The following ELOVL6 variants were observed in gnomAD, a reference collection of about 807,000 sequenced individuals.
The protein encoded by ELOVL6 is very long chain fatty acid elongase 6.
Under a neutral mutation model 31.7 loss-of-function variants are expected in ELOVL6, and 8 were observed. That is an observed-to-expected ratio of 0.25 (90% confidence interval 0.15 to 0.45). The LOEUF is 0.45. ELOVL6 is among the 20% of genes least tolerant of loss of function. The pLI, the probability that ELOVL6 is intolerant of heterozygous loss-of-function variation, is 1.00. For synonymous variants in ELOVL6, 101 were observed against 117.7 expected (o/e 0.86, Z 0.92); for missense variants, 126 against 326.4 (o/e 0.39, Z 4.73).
intron 1 of ELOVL6, among the ~76,000 whole-genome samples, chr4:110,121,706 AAGT>A (rs1247658709): frequency 1.3e-5 from 2 of 152,256 alleles, no homozygotes; most frequent in East Asian, 1.9e-4. Flanking sequence ...CTCAAAAAAA[AAGT>A]AGTAGTTTTT....
intron 2 of ELOVL6, among the ~76,000 whole-genome samples, chr4:110,079,369 AC>A (rs1447904320): frequency 6.6e-6 from 1 of 152,216 alleles, no homozygotes; most frequent in Non-Finnish European, 1.5e-5. Flanking sequence ...ATGGAAAAGA[AC>A]AGAAATTATA....
intron 2 of ELOVL6, among the ~76,000 whole-genome samples, chr4:110,084,305 A>G (rs1219804334): frequency 2.3e-5 from 2 of 86,854 alleles, no homozygotes; most frequent in African/African-American, 1.2e-4. Flanking sequence ...ATGATATATA[A>G]CATATAACAT....
At chr4:110,109,748 T>C (rs1327641552) in intron 1 of ELOVL6, among the ~76,000 whole-genome samples, 1 of 152,216 alleles carries the variant, frequency 6.6e-6, no homozygotes, top group African/African-American at 2.4e-5. Context: ...CACGTCAAGA[T>C]TTCTATACCC....
At chr4:110,152,210 C>T (rs539481243) in intron 1 of ELOVL6, among the ~76,000 whole-genome samples, 1 of 152,220 alleles carries the variant, frequency 6.6e-6, no homozygotes, top group South Asian at 2.1e-4. Context: ...TAAAGACTAT[C>T]AAGAGGGCAT....
chr4:110,093,358 T>C (rs1204085077), intron 2 of ELOVL6, among the ~76,000 whole-genome samples: 3 of 152,192 alleles, frequency 2.0e-5, no homozygotes, highest in Non-Finnish European at 4.4e-5. Flanking sequence ...CTTTTATAAA[T>C]AGAAAGGAAA....
intron 1 of ELOVL6, among the ~76,000 whole-genome samples, chr4:110,185,036 A>G (rs1759398046): frequency 6.6e-6 from 1 of 152,188 alleles, no homozygotes; most frequent in Admixed American, 6.5e-5. Context: ...AGTCTGATTC[A>G]ATACCTGGGT....
chr4:110,183,115 T>C (rs1266198032), intron 1 of ELOVL6, among the ~76,000 whole-genome samples: 3 of 152,160 alleles, frequency 2.0e-5, no homozygotes, highest in African/African-American at 4.8e-5. Context: ...TAGATGACTT[T>C]ATTTAAAAAA....
chr4:110,068,738 C>A (rs1400134294), intron 2 of ELOVL6, among the ~76,000 whole-genome samples: 3 of 152,154 alleles, frequency 2.0e-5, no homozygotes, highest in Non-Finnish European at 4.4e-5. Flanking sequence ...TGGAAAAGAG[C>A]ACACTTGCTC....
At chr4:110,088,298 C>G (rs571066936) in intron 2 of ELOVL6, among the ~76,000 whole-genome samples, 1 of 152,226 alleles carries the variant, frequency 6.6e-6, no homozygotes, top group South Asian at 2.1e-4. Flanking sequence ...TGCAGATAAC[C>G]CCAAGTGAAA....
intron 2 of ELOVL6, among the ~76,000 whole-genome samples, chr4:110,087,338 G>A (rs1425694429): frequency 1.3e-5 from 2 of 152,062 alleles, no homozygotes; most frequent in African/African-American, 2.4e-5. Flanking sequence ...TTGATCAGAC[G>A]CTTCTCTACT....
rs1224684008 is a variant in ELOVL6, at chr4:110,051,746, A to G, written c.390T>C (p.Ile130=). Residue 130 remains isoleucine (I), a synonymous_variant, in exon 4 of 4, where the codon ATT becomes ATC. Coordinates refer to ENST00000302274, the MANE Select transcript of ELOVL6 (RefSeq NM_024090.3). The surrounding 1 kb of genome is among the most constrained non-coding windows in gnomAD (Gnocchi z 4.8). ...KAPELGDTIF[I]ILRKQKLIFL... ...AGATCAGCTTCTGCTTCCTCAGAAT[A>G]ATGAATATTGTATCTCCTGGAAGAC... is the stretch of plus-strand genomic sequence containing the variant. The G allele has an allele frequency of 6.2e-7, 1 of 1,613,036 alleles. No individual in the cohort carries two copies. Among genetic ancestry groups the G allele is most frequent in the Non-Finnish European group, 8.5e-7 (1 of 1,179,664 alleles).
intron 1 of ELOVL6, 122 bp downstream of exon 1, chr4:110,198,125 A>AT (rs1759874199): frequency 3.8e-6 from 2 of 528,620 alleles, no homozygotes; most frequent in African/African-American, 2.1e-5. Context: ...GAACTCAGCG[A>AT]TCAGCTGGCT....
At chr4:110,100,538 T>C (rs73839571) in intron 2 of ELOVL6, among the ~76,000 whole-genome samples, 13,719 of 152,192 alleles carry the variant, frequency 0.09, 1,382 homozygotes, top group African/African-American at 0.24. Context: ...CATAATGTTG[T>C]CTCAGTTCAT....
At chr4:110,179,090 G>C (rs993334527) in intron 1 of ELOVL6, among the ~76,000 whole-genome samples, 2 of 151,378 alleles carry the variant, frequency 1.3e-5, no homozygotes, top group Non-Finnish European at 2.9e-5. Context: ...AGTTCTCTAC[G>C]TTAGGTAAAA....
chr4:110,186,813 AAAAAAAAAAAT>A (rs1380252704), intron 1 of ELOVL6, among the ~76,000 whole-genome samples: 27 of 116,168 alleles, frequency 2.3e-4, no homozygotes, highest in African/African-American at 8.0e-4. Flanking sequence ...CAAAAAAAAA[AAAAAAAAAAAT>A]ATATATATAT....
At chr4:110,081,545 T>G (rs62325312) in intron 2 of ELOVL6, among the ~76,000 whole-genome samples, 36,430 of 149,922 alleles carry the variant, frequency 0.24, 4,667 homozygotes, top group Non-Finnish European at 0.29. Flanking sequence ...GTCATATGTA[T>G]AAAGCTGAAA....
At chr4:110,077,612 A>G (rs181936232) in intron 2 of ELOVL6, among the ~76,000 whole-genome samples, 34 of 152,326 alleles carry the variant, frequency 2.2e-4, no homozygotes, top group African/African-American at 8.2e-4. Context: ...CAAAGACCAA[A>G]GGTAGATAAA....
intron 1 of ELOVL6, among the ~76,000 whole-genome samples, chr4:110,116,703 C>A (rs909398816): frequency 2.0e-5 from 3 of 152,204 alleles, no homozygotes; most frequent in Admixed American, 2.0e-4. Context: ...TCTTAAAATA[C>A]GTACTACAGG....
intron 1 of ELOVL6, among the ~76,000 whole-genome samples, chr4:110,158,505 C>G (rs187920405): frequency 7.2e-6 from 1 of 139,656 alleles, no homozygotes; most frequent in East Asian, 2.0e-4. Context: ...AGTCAAGAAC[C>G]AGGACAAAAT....
Sources: gnomAD v4.1 joint callset for allele counts (sites outside exome capture counted in the v4.1 genomes callset) on GRCh38, gnomAD v4.1.1 for gene constraint, Gnocchi (gnomAD v3.1) non-coding constraint, MANE v1.5 for transcripts, NCBI Gene and HGNC (gene_info 2026-07-23, HGNC 2026-07-21) for gene names.